Variants in SH2D3C observed in about 807,000 individuals in gnomAD.
SH2D3C encodes SH2 domain containing 3C, also known as SH2 domain-containing protein 3C.
SH2D3C carries 25 observed loss-of-function variants against 75.2 expected under a neutral mutation model. The ratio of observed to expected loss-of-function variants is 0.33; its 90% CI spans 0.24 to 0.46. The LOEUF is 0.46. Among genes scored for constraint, SH2D3C ranks in the 20% least tolerant of loss-of-function variants. The pLI is 1.00. For synonymous variants in SH2D3C, 450 were observed against 473.7 expected, an observed-to-expected ratio of 0.95 and a Z score of 0.65; for missense variants, 933 against 1,165.3, an observed-to-expected ratio of 0.80 and a Z score of 2.90.
In SH2D3C at chr9:127,738,327, T is replaced by C. The variant is rs955690500; in HGVS notation, c.*419A>G. ...GCCCGAGAGACAGAATAAAGAGTCA[T>C]AAAAGTTTATTATATGAAAGAAATA... On this transcript the variant is annotated 3_prime_UTR_variant, in exon 12 of 12. Coordinates refer to ENST00000314830, the MANE Select transcript of SH2D3C (RefSeq NM_170600.3). The surrounding 1 kb of genome is among the most constrained non-coding windows in gnomAD (Gnocchi z 5.0). The C allele has an allele frequency of 1.4e-4, 22 of 155,144 alleles. No individual in the cohort carries two copies. The highest frequency in any genetic ancestry group is 3.3e-3 in the Middle Eastern group (1 of 302). 9.6% of individuals were successfully genotyped at this position (155,144 alleles called of 1,614,324 possible).
At chr9:127,765,966 C>T (rs1845625951) in intron 2 of SH2D3C, among the ~76,000 whole-genome samples, 1 of 152,190 alleles carries the variant, frequency 6.6e-6, no homozygotes, top group African/African-American at 2.4e-5. Flanking sequence ...CTGATTTGTT[C>T]TGATAACTGA....
At chr9:127,767,399 T>C in intron 2 of SH2D3C, 1 of 1,186,588 alleles carries the variant, frequency 8.4e-7, no homozygotes, top group Non-Finnish European at 1.1e-6. Flanking sequence ...GGCATGCAGC[T>C]GCTCAGACTA....
rs1389506719 is a variant in SH2D3C, at chr9:127,745,010, A to G, written c.1354T>C (p.Cys452Arg). The change falls in exon 7 of 12, where the codon TGT becomes CGT. Residue 452 changes from cysteine (C) to arginine (R), a missense_variant. Cys to Arg is a radical substitution (Grantham distance 180). Transcript: ENST00000314830. ...TGGGTCTTTGGGGCACTTCCGGGAC[A>G]CAGCTGGGGCTCACTGGAACGGCGG... ...VARRSSEPQLCPGSAPKTHGE... is the reference protein window; with the variant it reads ...VARRSSEPQLRPGSAPKTHGE... 1.3e-6 allele frequency: 2 copies of G among 1,519,210 alleles called. No homozygotes were observed. The highest frequency in any genetic ancestry group is 2.3e-5 in the East Asian group (1 of 43,976). The allele number at this position is 1,519,210 out of a possible 1,614,324, so 94.1% of individuals were successfully genotyped here.
chr9:127,769,440 C>G (rs1253391690), intron 2 of SH2D3C, among the ~76,000 whole-genome samples: 1 of 151,866 alleles, frequency 6.6e-6, no homozygotes, highest in Non-Finnish European at 1.5e-5. Flanking sequence ...GTCAGGAGTT[C>G]GAGATCAGCC....
intron 1 of SH2D3C, among the ~76,000 whole-genome samples, chr9:127,775,003 G>A (rs1845789884): frequency 6.6e-6 from 1 of 151,980 alleles, no homozygotes; most frequent in South Asian, 2.1e-4. Context: ...CAGGAGAATT[G>A]CTTGAACCCG....
Position 127,742,916 on chromosome 9 carries a change from C to T in SH2D3C, c.1849G>A (p.Val617Ile). Residue 617 changes from valine to isoleucine, a missense_variant, in exon 8 of 12, where the codon GTC becomes ATC. Physicochemically the swap from Val to Ile is conservative, Grantham distance 29. Coordinates refer to ENST00000314830, the MANE Select transcript of SH2D3C (RefSeq NM_170600.3). ...VTKEMQTLMG[V>I]RWGMELLTLP... ...GTGAGCAGTTCCATGCCCCAGCGGA[C>T]TCCCATTAGGGTCTGCATCTCCTTG... is the stretch of plus-strand genomic sequence containing the variant. The T allele has an allele frequency of 1.9e-6, 3 of 1,614,028 alleles. No individual in the cohort carries two copies. The highest frequency in any genetic ancestry group is 2.5e-6 in the Non-Finnish European group (3 of 1,179,950).
intron 1 of SH2D3C, among the ~76,000 whole-genome samples, chr9:127,778,131 G>A (rs1829061720): frequency 2.0e-5 from 3 of 151,948 alleles, no homozygotes; most frequent in Non-Finnish European, 4.4e-5. Context: ...GGGATTACAG[G>A]TGCGTGTCAC....
In SH2D3C at chr9:127,751,324, G is replaced by A. The variant is rs775330751; in HGVS notation, c.556-24C>T. The A allele has an allele frequency of 5.0e-6, 8 of 1,611,392 alleles. No homozygotes were observed. In the South Asian group the frequency reaches 6.6e-5, roughly 13 times the overall value. On this transcript the variant is annotated intron_variant, in intron 3 of 11. Transcript: ENST00000314830. This position sits in a 1 kb window ranked among gnomAD's most constrained non-coding sequence, Gnocchi z 4.1. The stretch of plus-strand genomic sequence containing the variant: ...AACTGGGTAGAAAACAGCAAGAGTT[G>A]GCATCCAACTTAAAGTCTCCTTCTT...
At chr9:127,740,094 G>T (rs1804738624) in intron 10 of SH2D3C, among the ~76,000 whole-genome samples, 164 bp downstream of exon 10, 1 of 152,198 alleles carries the variant, frequency 6.6e-6, no homozygotes, top group South Asian at 2.1e-4. Context: ...CAAGGGCTGA[G>T]CCTGGACATG....
chr9:127,769,908 T>C (rs934981820), intron 2 of SH2D3C, among the ~76,000 whole-genome samples: 12 of 152,180 alleles, frequency 7.9e-5, no homozygotes, highest in East Asian at 1.9e-4. Flanking sequence ...AGTGTTGAGC[T>C]AGACAACACC....
chr9:127,748,251 G>A (rs1371562694), intron 5 of SH2D3C, among the ~76,000 whole-genome samples: 3 of 152,144 alleles, frequency 2.0e-5, no homozygotes, highest in Admixed American at 6.5e-5. Context: ...ACTATGCTCA[G>A]GATGCCTCAG....
At chr9:127,760,353 C>T (rs1174150079) in intron 3 of SH2D3C, among the ~76,000 whole-genome samples, 2 of 152,026 alleles carry the variant, frequency 1.3e-5, no homozygotes, top group Non-Finnish European at 2.9e-5. Flanking sequence ...TGGCTATAGT[C>T]CTGGCATCAA....
At chr9:127,750,210 G>T (rs1286002020) in intron 4 of SH2D3C, among the ~76,000 whole-genome samples, 1 of 151,690 alleles carries the variant, frequency 6.6e-6, no homozygotes, top group Non-Finnish European at 1.5e-5. Flanking sequence ...CACCCAGGCT[G>T]GAGTGAGGTG....
At chr9:127,753,111 C>G (rs534093746) in intron 3 of SH2D3C, among the ~76,000 whole-genome samples, 13 of 151,958 alleles carry the variant, frequency 8.6e-5, no homozygotes, top group African/African-American at 3.1e-4. Flanking sequence ...AGGTGTGGCA[C>G]GGCTGCCTCA....
rs370119977 is a variant in SH2D3C, at chr9:127,771,399, A to G, written c.515+2591T>C. On this transcript the variant is annotated intron_variant, in intron 2 of 11. Coordinates refer to ENST00000314830, the MANE Select transcript of SH2D3C (RefSeq NM_170600.3). ...TGCGCTCCTTGCCCGGCCCCACTCCACCGCCTACTCCACCGGCAGGGAAGG... is the reference window on the plus strand; with the variant it reads ...TGCGCTCCTTGCCCGGCCCCACTCCGCCGCCTACTCCACCGGCAGGGAAGG... 520 of 1,299,460 alleles carry G rather than the reference A, an allele frequency of 4.0e-4. No homozygotes were observed. The African/African-American group carries it at 7.7e-3, about 19-fold the overall frequency. 80.5% of individuals were successfully genotyped at this position (1,299,460 alleles called of 1,614,324 possible).
At chr9:127,757,645 G>GATGATTATTATT (rs749540385) in intron 3 of SH2D3C, among the ~76,000 whole-genome samples, 12 of 121,508 alleles carry the variant, frequency 9.9e-5, no homozygotes, top group South Asian at 2.9e-4. Context: ...TGATGATGAT[G>GATGATTATTATT]ATTATTATTA....
intron 3 of SH2D3C, among the ~76,000 whole-genome samples, chr9:127,752,480 G>A (rs970935451): frequency 6.6e-6 from 1 of 152,128 alleles, no homozygotes; most frequent in African/African-American, 2.4e-5. Context: ...ACAGATGAGG[G>A]AGGGCAGTAA....
intron 9 of SH2D3C, 85 bp from the exon 10 acceptor site, chr9:127,740,454 G>A (rs1588488044): frequency 2.3e-6 from 2 of 860,788 alleles, no homozygotes; most frequent in East Asian, 2.5e-5. Flanking sequence ...ACACCCAGAT[G>A]TGGGATCGTT....
chr9:127,767,070 A>G (rs1588521581), intron 2 of SH2D3C: 1 of 1,536,198 alleles, frequency 6.5e-7, no homozygotes. Context: ...CCCACTCCCC[A>G]AGATGGGCCA....
Sources: gnomAD v4.1 joint callset for allele counts (sites outside exome capture counted in the v4.1 genomes callset) on GRCh38, gnomAD v4.1.1 for gene constraint, Gnocchi (gnomAD v3.1) non-coding constraint, MANE v1.5 for transcripts, NCBI Gene and HGNC (gene_info 2026-07-23, HGNC 2026-07-21) for gene names.